ERC2: variants seen among roughly 807,000 people sequenced by gnomAD.
ERC2 encodes ELKS/RAB6-interacting/CAST family member 2.
A neutral mutation model predicts 114.8 loss-of-function variants in ERC2; 42 were observed. The ratio of observed to expected loss-of-function variants is 0.37; its 90% CI spans 0.29 to 0.47. ERC2 has a LOEUF of 0.47. Among genes scored for constraint, ERC2 ranks in the 20% least tolerant of loss-of-function variants. The pLI, the probability that ERC2 is intolerant of heterozygous loss-of-function variation, is 0.99. For synonymous variants in ERC2, 454 were observed against 425.5 expected (o/e 1.07, Z -0.82); for missense variants, 939 against 1,150.7 (o/e 0.82, Z 2.66).
chr3:55,568,605 C>T (rs1231904948), intron 17 of ERC2, among the ~76,000 whole-genome samples: 1 of 152,162 alleles, frequency 6.6e-6, no homozygotes, highest in Non-Finnish European at 1.5e-5. Flanking sequence ...CTGCTTCCCT[C>T]CATCTCCACT....
chr3:55,578,987 G>A (rs1023031189), intron 17 of ERC2, among the ~76,000 whole-genome samples: 1 of 152,180 alleles, frequency 6.6e-6, no homozygotes, highest in African/African-American at 2.4e-5. Flanking sequence ...GAGCTCTTGA[G>A]GCTTAGGCTG....
chr3:56,318,263 T>C (rs982153234), intron 2 of ERC2, among the ~76,000 whole-genome samples: 2 of 152,198 alleles, frequency 1.3e-5, no homozygotes, highest in African/African-American at 4.8e-5. Context: ...CATGGCTCAC[T>C]ACAGCCTCAA....
chr3:55,888,135 T>C, intron 14 of ERC2, among the ~76,000 whole-genome samples: 1 of 152,184 alleles, frequency 6.6e-6, no homozygotes, highest in East Asian at 1.9e-4. Flanking sequence ...CCCAGCACCA[T>C]CCACACAACA....
intron 17 of ERC2, among the ~76,000 whole-genome samples, chr3:55,609,470 T>G (rs893282445): frequency 6.6e-6 from 1 of 152,080 alleles, no homozygotes; most frequent in African/African-American, 2.4e-5. Flanking sequence ...AGACTGGAAG[T>G]TAAGCAGCCA....
At chr3:56,371,790 T>C (rs2059372298) in intron 2 of ERC2, among the ~76,000 whole-genome samples, 2 of 152,266 alleles carry the variant, frequency 1.3e-5, no homozygotes, top group African/African-American at 2.4e-5. Flanking sequence ...TGTCAGGGCA[T>C]AGCCACAAAT....
chr3:56,387,124 A>T (rs2059960942), intron 2 of ERC2, among the ~76,000 whole-genome samples: 1 of 152,334 alleles, frequency 6.6e-6, no homozygotes, highest in South Asian at 2.1e-4. Context: ...AGAATTTAAT[A>T]TGTGTATTAA....
chr3:56,358,839 A>T (rs1417697904), intron 2 of ERC2, among the ~76,000 whole-genome samples: 2 of 151,834 alleles, frequency 1.3e-5, no homozygotes, highest in Non-Finnish European at 2.9e-5. Flanking sequence ...ATACTACTTG[A>T]CTCCTTGTAA....
chr3:55,840,348 C>A (rs2061077295), intron 14 of ERC2, among the ~76,000 whole-genome samples: 1 of 151,916 alleles, frequency 6.6e-6, no homozygotes, highest in South Asian at 2.1e-4. Flanking sequence ...GAATCTAACA[C>A]AGGTGACAAT....
intron 7 of ERC2, among the ~76,000 whole-genome samples, chr3:56,030,555 T>C (rs185093970): frequency 2.6e-5 from 4 of 152,336 alleles, no homozygotes; most frequent in East Asian, 3.9e-4. Flanking sequence ...TGTTTTATTA[T>C]GATATAATGT....
chr3:56,214,131 A>C (rs2049279564), intron 3 of ERC2, among the ~76,000 whole-genome samples: 1 of 152,140 alleles, frequency 6.6e-6, no homozygotes, highest in South Asian at 2.1e-4. Context: ...CAACGGAACA[A>C]AGCTGGACAG....
At chr3:56,036,804 C>T (rs1325831012) in intron 7 of ERC2, among the ~76,000 whole-genome samples, 3 of 152,100 alleles carry the variant, frequency 2.0e-5, no homozygotes, top group African/African-American at 4.8e-5. Flanking sequence ...CCACCAGAGC[C>T]GTGGGGCCCA....
chr3:56,036,184 T>C (rs2074789541), intron 7 of ERC2, among the ~76,000 whole-genome samples: 2 of 152,114 alleles, frequency 1.3e-5, no homozygotes, highest in African/African-American at 2.4e-5. Context: ...TCTCGACAAA[T>C]TGGGCATAAG....
intron 6 of ERC2, among the ~76,000 whole-genome samples, chr3:56,086,394 A>G (rs1487105827): frequency 6.6e-6 from 1 of 151,984 alleles, no homozygotes. Context: ...CATGCACTGG[A>G]AAGTGTGTAC....
chr3:55,578,294 T>C (rs1366549347), intron 17 of ERC2, among the ~76,000 whole-genome samples: 1 of 152,184 alleles, frequency 6.6e-6, no homozygotes, highest in Non-Finnish European at 1.5e-5. Flanking sequence ...CAGGACTCCA[T>C]GAGGTCTGGT....
intron 13 of ERC2, among the ~76,000 whole-genome samples, chr3:55,947,395 T>A (rs1264485917): frequency 6.6e-6 from 1 of 152,244 alleles, no homozygotes; most frequent in East Asian, 1.9e-4. Context: ...GCCTCAGTTC[T>A]CCACCTCTCC....
chr3:55,724,899 G>A (rs988567494), intron 15 of ERC2, among the ~76,000 whole-genome samples: 1 of 152,066 alleles, frequency 6.6e-6, no homozygotes, highest in African/African-American at 2.4e-5. Context: ...TCTCTGAGGC[G>A]GTAATGAACA....
chr3:55,682,153 A>G (rs973044313), intron 17 of ERC2, among the ~76,000 whole-genome samples: 18 of 152,278 alleles, frequency 1.2e-4, no homozygotes, highest in African/African-American at 4.3e-4. Context: ...TGCCACTTTT[A>G]TTAGCTTTTC....
intron 2 of ERC2, among the ~76,000 whole-genome samples, chr3:56,402,400 A>G (rs763689217): frequency 2.6e-5 from 4 of 152,182 alleles, no homozygotes; most frequent in South Asian, 2.1e-4. Flanking sequence ...ACAGATGGGC[A>G]TGTCTTATGG....
At chr3:55,742,619 A>C (rs1341216626) in intron 14 of ERC2, among the ~76,000 whole-genome samples, 1 of 152,156 alleles carries the variant, frequency 6.6e-6, no homozygotes, top group Non-Finnish European at 1.5e-5. Flanking sequence ...GGGGGGAAAA[A>C]GTCCGCTCAA....
Sources: allele counts gnomAD v4.1 joint callset (sites outside exome capture counted in the v4.1 genomes callset), GRCh38; gene constraint gnomAD v4.1.1; transcripts MANE v1.5; gene names NCBI Gene and HGNC (gene_info 2026-07-23, HGNC 2026-07-21).